The following CDH23 variants were observed in gnomAD, a reference collection of about 807,000 sequenced individuals.
CDH23 encodes cadherin-23.
Under a neutral mutation model 317.1 loss-of-function variants are expected in CDH23, and 189 were observed. That is an observed-to-expected ratio of 0.60 (90% CI 0.53 to 0.67). CDH23 has a LOEUF of 0.67. Ranked by LOEUF, CDH23 falls within the 30% of genes least tolerant of loss-of-function variation. CDH23 has a pLI of 0.00. For missense variants in CDH23, 4,401 were observed against 4,592.4 expected, an observed-to-expected ratio of 0.96 and a Z score of 1.20; for synonymous variants, 1,839 against 1,876.8, an observed-to-expected ratio of 0.98 and a Z score of 0.52.
chr10:71,689,574 C>G (rs1296840331), intron 19 of CDH23, among the ~76,000 whole-genome samples: 1 of 152,196 alleles, frequency 6.6e-6, no homozygotes, highest in African/African-American at 2.4e-5. Flanking sequence ...GCCTGCCTGG[C>G]CCCTTGCCCC....
At chr10:71,540,826 C>T (rs1001866369) in intron 6 of CDH23, among the ~76,000 whole-genome samples, 3 of 151,962 alleles carry the variant, frequency 2.0e-5, no homozygotes, top group African/African-American at 7.3e-5. Context: ...ATGACATAGC[C>T]GATCAGGCTG....
Position 71,712,748 on chromosome 10 carries a change from T to G in CDH23, c.3304T>G (p.Phe1102Val). 6.2e-7 allele frequency: 1 copy of G among 1,613,672 alleles called. No individual in the cohort carries two copies. The highest frequency in any genetic ancestry group is 8.5e-7 in the Non-Finnish European group (1 of 1,179,834). ...GGATGTGAATGACAACCGGCCCATC[T>G]TTCTGCAGAGCAGCTATGAGGCCAG... ...VLDVNDNRPI[F>V]LQSSYEASVP... Residue 1102 changes from phenylalanine (F) to valine (V), a missense_variant, in exon 28 of 70, where the codon TTT becomes GTT. By Grantham distance (50) the Phe-to-Val change is conservative. Coordinates refer to ENST00000224721, the MANE Select transcript of CDH23 (RefSeq NM_022124.6).
intron 1 of CDH23, among the ~76,000 whole-genome samples, chr10:71,419,504 G>A (rs1848658656): frequency 6.6e-6 from 1 of 152,116 alleles, no homozygotes; most frequent in African/African-American, 2.4e-5. Context: ...ACTCAGATGT[G>A]AAAAACCACC....
At chr10:71,561,849 T>G (rs1857148111) in intron 6 of CDH23, among the ~76,000 whole-genome samples, 2 of 146,962 alleles carry the variant, frequency 1.4e-5, no homozygotes, top group African/African-American at 5.1e-5. Context: ...GGCAGGGGGG[T>G]ACCATGAAGG....
Position 71,479,394 on chromosome 10 carries a change from C to T in CDH23, c.146-30688C>T, listed in dbSNP as rs189269431. On this transcript the variant is annotated intron_variant, in intron 3 of 69. Transcript: ENST00000224721. ...AGGTTTTTGTCTAAGGATTTGGGGGCGGGTGAACTGAATCCCGCAGGAAAG... is the reference window on the plus strand; with the variant it reads ...AGGTTTTTGTCTAAGGATTTGGGGGTGGGTGAACTGAATCCCGCAGGAAAG... 1.1e-4 allele frequency among the ~76,000 whole-genome samples: 16 copies of T among 152,170 alleles called. No individual in the cohort carries two copies. In the East Asian group the frequency reaches 1.7e-3, roughly 17 times the overall value.
intron 9 of CDH23, among the ~76,000 whole-genome samples, chr10:71,591,500 C>T (rs746662411): frequency 4.6e-5 from 7 of 152,076 alleles, no homozygotes; most frequent in African/African-American, 1.2e-4. Context: ...TGGAGGCAAA[C>T]GACACAGGCT....
intron 69 of CDH23, among the ~76,000 whole-genome samples, chr10:71,814,681 TACAC>T (rs111594040): frequency 4.7e-5 from 7 of 147,700 alleles, no homozygotes; most frequent in African/African-American, 1.7e-4. Context: ...AAGAAGCCGA[TACAC>T]ACACACACAA....
intron 14 of CDH23, among the ~76,000 whole-genome samples, chr10:71,673,636 T>C (rs1589319008): frequency 6.6e-6 from 1 of 152,188 alleles, no homozygotes; most frequent in Non-Finnish European, 1.5e-5. Context: ...CATGGCTAGG[T>C]GGCACAGGAT....
At chr10:71,399,509 C>A (rs994175483) in intron 1 of CDH23, among the ~76,000 whole-genome samples, 23 of 152,188 alleles carry the variant, frequency 1.5e-4, no homozygotes, top group Non-Finnish European at 3.2e-4. Flanking sequence ...CCACCACTGG[C>A]CCCTTCGGGT....
intron 1 of CDH23, among the ~76,000 whole-genome samples, chr10:71,402,800 G>T (rs1847846473): frequency 6.6e-6 from 1 of 151,616 alleles, no homozygotes; most frequent in East Asian, 2.0e-4. Flanking sequence ...TTTTTCTTTT[G>T]TAATTACTTA....
chr10:71,550,571 AAAAAAAG>A (rs1406895560), intron 6 of CDH23, among the ~76,000 whole-genome samples: 16 of 113,596 alleles, frequency 1.4e-4, no homozygotes, highest in South Asian at 3.5e-4. Flanking sequence ...AAAAAAAAAA[AAAAAAAG>A]AAAAAAGAAA....
chr10:71,724,211 G>T, intron 29 of CDH23, 106 bp downstream of exon 29: 6 of 1,225,346 alleles, frequency 4.9e-6, no homozygotes, highest in Non-Finnish European at 7.0e-6. Context: ...AGAACCCCCA[G>T]GGCCATATAC....
chr10:71,718,839 G>A (rs1564754576), intron 28 of CDH23, among the ~76,000 whole-genome samples: 1 of 152,122 alleles, frequency 6.6e-6, no homozygotes, highest in Non-Finnish European at 1.5e-5. Flanking sequence ...GGCCAAGGCA[G>A]GAGGATCACT....
At chr10:71,499,111 G>T (rs1853134941) in intron 3 of CDH23, among the ~76,000 whole-genome samples, 1 of 152,164 alleles carries the variant, frequency 6.6e-6, no homozygotes, top group South Asian at 2.1e-4. Context: ...CACATAGATG[G>T]AATTGAAGAT....
intron 3 of CDH23, among the ~76,000 whole-genome samples, chr10:71,506,643 C>T (rs1231054481): frequency 1.3e-5 from 2 of 152,006 alleles, no homozygotes; most frequent in African/African-American, 4.8e-5. Flanking sequence ...GGTGGAGAAA[C>T]AAGCCTTGCT....
chr10:71,756,670 G>C (rs1312751834), intron 38 of CDH23, among the ~76,000 whole-genome samples: 1 of 152,168 alleles, frequency 6.6e-6, no homozygotes, highest in Non-Finnish European at 1.5e-5. Flanking sequence ...GTTTAGCTGG[G>C]AACAGACGTG....
intron 11 of CDH23, among the ~76,000 whole-genome samples, chr10:71,633,890 A>G (rs1434792936): frequency 6.6e-6 from 1 of 151,970 alleles, no homozygotes; most frequent in Non-Finnish European, 1.5e-5. Flanking sequence ...AGGTGGAATC[A>G]CTCTTGGAGG....
chr10:71,423,347 G>C (rs1356250778), intron 1 of CDH23, among the ~76,000 whole-genome samples: 1 of 152,200 alleles, frequency 6.6e-6, no homozygotes, highest in Non-Finnish European at 1.5e-5. Flanking sequence ...TGTGGATTTG[G>C]TGCCTCTACA....
intron 3 of CDH23, among the ~76,000 whole-genome samples, chr10:71,460,188 C>T (rs946877): frequency 0.35 from 52,934 of 152,192 alleles, 11,462 homozygotes; most frequent in East Asian, 0.48. Context: ...CTCTTCTTGG[C>T]ACAGAACAGA....
Sources: allele counts gnomAD v4.1 joint callset (sites outside exome capture counted in the v4.1 genomes callset), GRCh38; gene constraint gnomAD v4.1.1; transcripts MANE v1.5; gene names NCBI Gene and HGNC (gene_info 2026-07-23, HGNC 2026-07-21).